Variants in RPAP2 observed in about 807,000 individuals in gnomAD.
RPAP2 encodes the protein RNA polymerase II associated protein 2.
RPAP2 carries 52 observed loss-of-function variants against 73.1 expected under a neutral mutation model. The ratio of observed to expected loss-of-function variants is 0.71; its 90% CI spans 0.57 to 0.90. RPAP2 has a LOEUF of 0.90. Among genes scored for constraint, RPAP2 ranks in the 40% least tolerant of loss-of-function variants. RPAP2 has a pLI of 0.00. For synonymous variants in RPAP2, 225 were observed against 242.1 expected (o/e 0.93, Z 0.65); for missense variants, 598 against 701.8 (o/e 0.85, Z 1.67).
chr1:92,320,229 C>A (rs1652168685), intron 6 of RPAP2, among the ~76,000 whole-genome samples: 1 of 151,952 alleles, frequency 6.6e-6, no homozygotes, highest in African/African-American at 2.4e-5. Flanking sequence ...AGAGACTAAT[C>A]CAGATTTCTT....
At chr1:92,317,251 G>T (rs988760181) in intron 6 of RPAP2, among the ~76,000 whole-genome samples, 1 of 152,138 alleles carries the variant, frequency 6.6e-6, no homozygotes, top group Admixed American at 6.5e-5. Context: ...GCTCACAACT[G>T]TAATCCCAGC....
At chr1:92,353,418 T>G (rs1396547186) in intron 11 of RPAP2, among the ~76,000 whole-genome samples, 1 of 152,214 alleles carries the variant, frequency 6.6e-6, no homozygotes, top group Admixed American at 6.6e-5. Context: ...AACTTAAATA[T>G]GCCTAATCTC....
At chr1:92,299,291 G>A (rs542503172) in intron 1 of RPAP2, 145 bp downstream of exon 1, 2 of 455,486 alleles carry the variant, frequency 4.4e-6, no homozygotes, top group Non-Finnish European at 7.9e-6. Flanking sequence ...GCTTCCCACC[G>A]CCGTCCGCAC....
At position 92,331,497 on chromosome 1, in the gene RPAP2, T is replaced by C. The variant is rs1043504768; in HGVS notation, c.1456-1894T>C. Among the ~76,000 whole-genome samples the C allele has an allele frequency of 2.6e-5, 4 of 152,194 alleles. No individual in the cohort carries two copies. The East Asian group carries it at 5.8e-4, about 22-fold the overall frequency. On this transcript the variant is annotated intron_variant, in intron 8 of 12. Coordinates refer to ENST00000610020, the MANE Select transcript of RPAP2 (RefSeq NM_024813.3). ...AAATTGTTTTTATATACTCTTTTAC[T>C]GATCATTAAATGGTTACCCTAAGTG...
chr1:92,331,146 T>G (rs1042176003), intron 8 of RPAP2, among the ~76,000 whole-genome samples: 20 of 152,240 alleles, frequency 1.3e-4, no homozygotes, highest in Admixed American at 9.8e-4. Flanking sequence ...TGGGTATAAA[T>G]GTAAAATTGT....
chr1:92,300,653 A>G (rs1650773844), intron 2 of RPAP2, among the ~76,000 whole-genome samples: 1 of 152,232 alleles, frequency 6.6e-6, no homozygotes. Context: ...AAAAGGCAAG[A>G]TATTACCACA....
chr1:92,309,540 CATACACAT>C (rs888217096), intron 6 of RPAP2, among the ~76,000 whole-genome samples: 1 of 4,136 alleles, frequency 2.4e-4, no homozygotes, highest in Non-Finnish European at 3.6e-4. Context: ...AGGCTACACA[CATACACAT>C]ACACATACAC....
At chr1:92,332,664 T>C (rs1001271254) in intron 8 of RPAP2, among the ~76,000 whole-genome samples, 1 of 152,150 alleles carries the variant, frequency 6.6e-6, no homozygotes, top group African/African-American at 2.4e-5. Flanking sequence ...AAAGAACTAG[T>C]CTATTTCCTA....
chr1:92,342,782 A>AT (rs1653671207), intron 10 of RPAP2, among the ~76,000 whole-genome samples: 1 of 152,144 alleles, frequency 6.6e-6, no homozygotes, highest in Non-Finnish European at 1.5e-5. Context: ...AAGTTTAACC[A>AT]TAAGATTTGT....
chr1:92,358,203 C>T (rs1370928051), intron 11 of RPAP2, among the ~76,000 whole-genome samples: 1 of 152,134 alleles, frequency 6.6e-6, no homozygotes, highest in Non-Finnish European at 1.5e-5. Context: ...GCCTACATAC[C>T]CCTGTGGTCT....
chr1:92,372,250 T>G (rs1373450194), intron 11 of RPAP2, among the ~76,000 whole-genome samples: 1 of 152,196 alleles, frequency 6.6e-6, no homozygotes, highest in Non-Finnish European at 1.5e-5. Flanking sequence ...CCTATAAGGC[T>G]TAATTAAGTA....
At chr1:92,344,913 C>T (rs914130600) in intron 10 of RPAP2, among the ~76,000 whole-genome samples, 4 of 152,066 alleles carry the variant, frequency 2.6e-5, no homozygotes, top group African/African-American at 9.7e-5. Flanking sequence ...TATGTATTGG[C>T]TGATATTTTC....
rs201624709 is a variant in RPAP2, at chr1:92,309,562, CACATACACATAT to C, written c.488+2292_488+2303del. 7.0e-4 allele frequency among the ~76,000 whole-genome samples: 14 copies of C among 20,110 alleles called. No homozygotes were observed. In the East Asian group the frequency reaches 0.04, roughly 57 times the overall value. The allele number at this position is 20,110 out of a possible 152,430, so 13.2% of individuals were successfully genotyped here. A position where few individuals can be genotyped will look rare whatever the true frequency, so the allele number is the denominator to read the frequency against. ...ACACATACACATACACATACACATA[CACATACACATAT>C]ACATATACATACACATACACATACA... On this transcript the variant is annotated intron_variant, in intron 6 of 12. Coordinates refer to ENST00000610020, the MANE Select transcript of RPAP2 (RefSeq NM_024813.3).
At chr1:92,377,922 G>T (rs994363107) in intron 11 of RPAP2, among the ~76,000 whole-genome samples, 4 of 152,224 alleles carry the variant, frequency 2.6e-5, no homozygotes, top group African/African-American at 9.6e-5. Flanking sequence ...AACTAAGGCA[G>T]TTGATAGAGG....
intron 11 of RPAP2, among the ~76,000 whole-genome samples, chr1:92,356,453 T>C (rs1654466492): frequency 6.6e-6 from 1 of 152,106 alleles, no homozygotes; most frequent in African/African-American, 2.4e-5. Context: ...AATCTCTCTC[T>C]ATCACCCAGG....
chr1:92,305,915 T>A (rs1331794503), intron 5 of RPAP2, among the ~76,000 whole-genome samples: 2 of 152,210 alleles, frequency 1.3e-5, no homozygotes, highest in Non-Finnish European at 2.9e-5. Flanking sequence ...TTCTCTATAA[T>A]TAAGCCTTTC....
At chr1:92,382,653 G>A (rs1325342839) in intron 12 of RPAP2, among the ~76,000 whole-genome samples, 1 of 152,160 alleles carries the variant, frequency 6.6e-6, no homozygotes, top group South Asian at 2.1e-4. Context: ...TGAGTTCATT[G>A]TAGATTCTGG....
rs1009918932 is a variant in RPAP2 at position 92,399,297 on chromosome 1, C to T, written c.*12286C>T. The stretch of plus-strand genomic sequence containing the variant: ...CTGGACTCCCTTGGGGCTTGCAAAA[C>T]TCCCTATGTCTTGCAGACCAAAAGC... On this transcript the variant is annotated 3_prime_UTR_variant, in exon 13 of 13. Coordinates refer to ENST00000610020, the MANE Select transcript of RPAP2 (RefSeq NM_024813.3). 6.6e-6 allele frequency: 1 copy of T among 152,226 alleles called. No homozygotes were observed. The highest frequency in any genetic ancestry group is 2.4e-5 in the African/African-American group (1 of 41,450). 9.4% of individuals were successfully genotyped at this position (152,226 alleles called of 1,614,324 possible). A position where few individuals can be genotyped will look rare whatever the true frequency, so the allele number is the denominator to read the frequency against.
chr1:92,349,756 C>T (rs1415756881), intron 11 of RPAP2, among the ~76,000 whole-genome samples: 5 of 152,076 alleles, frequency 3.3e-5, no homozygotes, highest in South Asian at 2.1e-4. Context: ...AGTGAGACCC[C>T]GTCTCTACAA....
Sources: gnomAD v4.1 joint callset for allele counts (sites outside exome capture counted in the v4.1 genomes callset) on GRCh38, gnomAD v4.1.1 for gene constraint, MANE v1.5 for transcripts, NCBI Gene and HGNC (gene_info 2026-07-23, HGNC 2026-07-21) for gene names.